Variants in MLLT6 observed in about 807,000 individuals in gnomAD.
MLLT6 encodes the protein MLLT6, PHD finger containing, also known as protein AF-17.
A neutral mutation model predicts 103.0 loss-of-function variants in MLLT6; 22 were observed. The observed-to-expected ratio is 0.21, with a 90% CI of 0.15 to 0.31. MLLT6 has a LOEUF of 0.31. Ranked by LOEUF, MLLT6 falls within the 10% of genes least tolerant of loss-of-function variation. MLLT6 has a pLI of 1.00. For missense variants in MLLT6, 1,199 were observed against 1,441.7 expected (o/e 0.83, Z 2.73); for synonymous variants, 606 against 623.5 (o/e 0.97, Z 0.42).
intron 13 of MLLT6, 47 bp from the exon 14 acceptor site, chr17:38,719,703 G>C (rs760077177): frequency 1.3e-6 from 2 of 1,590,932 alleles, no homozygotes; most frequent in African/African-American, 1.3e-5. Flanking sequence ...GGCCAGAGGA[G>C]CCTGGAGTGG....
Position 38,712,675 on chromosome 17 carries a change from A to G in MLLT6, c.721-16A>G, listed in dbSNP as rs887556664. 7 of 1,577,508 alleles carry G rather than the reference A, an allele frequency of 4.4e-6. No individual in the cohort carries two copies. The African/African-American group carries it at 9.4e-5, about 21-fold the overall frequency. ...CAGCCCCCCAGCACAATATCTAGTC[A>G]CCTCTCCCTCTCCAGAGTCGAAAGG... On this transcript the variant is annotated splice_polypyrimidine_tract_variant and intron_variant, in intron 7 of 19. Coordinates refer to ENST00000621332, the MANE Select transcript of MLLT6 (RefSeq NM_005937.4).
chr17:38,716,643 C>CGA lies in MLLT6; in HGVS notation c.1314_1315insAG (p.Ala439ArgfsTer11), dbSNP rs1162674868. The CGA allele has an allele frequency of 6.2e-7, 1 of 1,613,594 alleles. No homozygotes were observed. The highest frequency in any genetic ancestry group is 8.5e-7 in the Non-Finnish European group (1 of 1,179,948). ...CCCCACGTCACGGGGTCTGGGGCCT[C>CGA]GGCAGGCACCCACAAACGGATGCCC... is the stretch of plus-strand genomic sequence containing the variant. On this transcript the variant is annotated frameshift_variant, in exon 10 of 20. Coordinates refer to ENST00000621332, the MANE Select transcript of MLLT6 (RefSeq NM_005937.4). LOFTEE classifies it high-confidence loss of function. This position sits in a 1 kb window ranked among gnomAD's most constrained non-coding sequence, Gnocchi z 5.6.
At position 38,720,380 on chromosome 17, in the gene MLLT6, A is replaced by C. The variant is rs754377106; in HGVS notation, c.2164A>C (p.Met722Leu). 2 of 1,362,256 alleles carry C rather than the reference A, an allele frequency of 1.5e-6. No individual in the cohort carries two copies. The highest frequency in any genetic ancestry group is 4.6e-5 in the East Asian group (1 of 21,894). 84.4% of individuals were successfully genotyped at this position (1,362,256 alleles called of 1,614,324 possible). A position where few individuals can be genotyped will look rare whatever the true frequency, so the allele number is the denominator to read the frequency against. The change falls in exon 15 of 20, where the codon ATG (methionine) becomes CTG (leucine). Residue 722 changes from methionine (M) to leucine (L), a missense_variant. Met to Leu is a conservative substitution (Grantham distance 15). Around this residue, in one of 7 missense-constraint regions of MLLT6, gnomAD observed 1,034 missense variants for 1,091.5 expected, o/e 0.95. Transcript: ENST00000621332. ...CCTCGCTCTCTCCGCAGTCGTGGAG[A>C]TGCTGAAGGCGCTGCACGCGCTGCA... ...DGEAGVNIVE[M>L]LKALHALQKE...
At chr17:38,721,083 A>G (rs544570519) in intron 16 of MLLT6, 7 of 420,242 alleles carry the variant, frequency 1.7e-5, no homozygotes, top group African/African-American at 1.4e-4. Context: ...GCTTCTGTGG[A>G]TAGAAAGTGG....
rs1010994292 is a variant in MLLT6 at position 38,727,390 on chromosome 17, C to T, written c.*1792C>T. On this transcript the variant is annotated 3_prime_UTR_variant, in exon 20 of 20. Coordinates refer to ENST00000621332, the MANE Select transcript of MLLT6 (RefSeq NM_005937.4). ...GAGGGGGAGGCAGTTGTGATGACCT[C>T]AGAAATACTCACTTTTTATTAATGC... 2.2e-5 allele frequency: 5 copies of T among 231,366 alleles called. No individual in the cohort carries two copies. The highest frequency in any genetic ancestry group is 1.1e-4 in the African/African-American group (5 of 45,144). The allele number at this position is 231,366 out of a possible 1,614,324, so 14.3% of individuals were successfully genotyped here.
Position 38,716,507 on chromosome 17 carries a change from C to T in MLLT6, c.1177C>T (p.Leu393Phe). 1 of 1,614,202 alleles carries T rather than the reference C, an allele frequency of 6.2e-7. No individual in the cohort carries two copies. Among genetic ancestry groups the T allele is most frequent in the African/African-American group, 1.3e-5 (1 of 75,050 alleles). Residue 393 changes from leucine (L) to phenylalanine (F), a missense_variant, in exon 10 of 20, where the codon CTT (leucine) becomes TTT (phenylalanine). Leu to Phe is a conservative substitution (Grantham distance 22). Coordinates refer to ENST00000621332, the MANE Select transcript of MLLT6 (RefSeq NM_005937.4). This position sits in a 1 kb window ranked among gnomAD's most constrained non-coding sequence, Gnocchi z 5.6. Reference sequence around the variant, plus strand: ...AGCTCCCGAGCCCCCCAAGGCTGACCTTTTTGAGCAGAAGGTGGTCTTCTC... The same window carrying T: ...AGCTCCCGAGCCCCCCAAGGCTGACTTTTTTGAGCAGAAGGTGGTCTTCTC... The part of the protein sequence containing the change: ...PSAPEPPKAD[L>F]FEQKVVFSGF...
Position 38,725,869 on chromosome 17 carries a change from C to G in MLLT6, c.*271C>G, listed in dbSNP as rs2143717334. 4.3e-6 allele frequency: 2 copies of G among 465,796 alleles called. No homozygotes were observed. The highest frequency in any genetic ancestry group is 5.3e-4 in the Middle Eastern group (1 of 1,888). 28.9% of individuals were successfully genotyped at this position (465,796 alleles called of 1,614,324 possible). A position where few individuals can be genotyped will look rare whatever the true frequency, so the allele number is the denominator to read the frequency against. ...GCAAGCCCGCCTAGGAGGTCCATCC[C>G]CAGCAAATGTTTTGGAGGTCCCCCC... On this transcript the variant is annotated 3_prime_UTR_variant, in exon 20 of 20. Coordinates refer to ENST00000621332, the MANE Select transcript of MLLT6 (RefSeq NM_005937.4).
Position 38,719,855 on chromosome 17 carries a change from G to A in MLLT6, c.2115G>A (p.Gln705=). 1 of 1,609,252 alleles carries A rather than the reference G, an allele frequency of 6.2e-7. No individual in the cohort carries two copies. Among genetic ancestry groups the A allele is most frequent in the Non-Finnish European group, 8.5e-7 (1 of 1,178,238 alleles). Residue 705 remains glutamine (Q), a synonymous_variant, in exon 14 of 20, where the codon CAG becomes CAA. Coordinates refer to ENST00000621332, the MANE Select transcript of MLLT6 (RefSeq NM_005937.4). ...CCCCAGGGACGACTAACATGGAGCA[G>A]CTTCTGGAGAAGCAGGGCGACGGGG... The part of the protein sequence containing the change: ...PAAPGTTNME[Q]LLEKQGDGEA...
chr17:38,713,363 C>G, intron 8 of MLLT6: 1 of 358,146 alleles, frequency 2.8e-6, no homozygotes, highest in East Asian at 4.1e-5. Context: ...ATAGGCAGGC[C>G]CTACCCTAGG....
chr17:38,722,824 A>G (rs1905837381), intron 18 of MLLT6, 56 bp downstream of exon 18: 8 of 1,287,184 alleles, frequency 6.2e-6, no homozygotes, highest in African/African-American at 1.5e-5. Flanking sequence ...GGAAGGGCAC[A>G]TCTCAGAGGA....
chr17:38,720,807 A>C, intron 16 of MLLT6, 60 bp downstream of exon 16: 2 of 1,456,250 alleles, frequency 1.4e-6, no homozygotes, highest in Non-Finnish European at 9.6e-7. Flanking sequence ...TCCTGGTCCC[A>C]TCTCTTCCCC....
At position 38,721,948 on chromosome 17, in the gene MLLT6, C is replaced by T. The variant is rs1242333838; in HGVS notation, c.2513C>T (p.Pro838Leu). 6.5e-7 allele frequency: 1 copy of T among 1,530,482 alleles called. No homozygotes were observed. Among genetic ancestry groups the T allele is most frequent in the South Asian group, 1.2e-5 (1 of 84,032 alleles). 94.8% of individuals were successfully genotyped at this position (1,530,482 alleles called of 1,614,324 possible). Residue 838 changes from proline (P) to leucine (L), a missense_variant, in exon 17 of 20, where the codon CCC becomes CTC. Pro to Leu is a moderately conservative substitution (Grantham distance 98). Around this residue, in one of 7 missense-constraint regions of MLLT6, gnomAD observed 1,034 missense variants for 1,091.5 expected, o/e 0.95. Transcript: ENST00000621332. ...TTCCACAGCACGCCCCCACCGCTGCCCCTCCTCCAGCAGAGCCCTGCCACT... is the reference window on the plus strand; with the variant it reads ...TTCCACAGCACGCCCCCACCGCTGCTCCTCCTCCAGCAGAGCCCTGCCACT... ...LSFHSTPPPL[P>L]LLQQSPATLP...
rs746466014 is a variant in MLLT6, at chr17:38,722,638, C to T, written c.2793-40C>T. 19 of 532,566 alleles carry T rather than the reference C, an allele frequency of 3.6e-5. No individual in the cohort carries two copies. In the East Asian group the frequency reaches 7.7e-4, roughly 22 times the overall value. The allele number at this position is 532,566 out of a possible 1,614,324, so 33.0% of individuals were successfully genotyped here. On this transcript the variant is annotated intron_variant, in intron 17 of 19. Coordinates refer to ENST00000621332, the MANE Select transcript of MLLT6 (RefSeq NM_005937.4). The stretch of plus-strand genomic sequence containing the variant: ...TGTTTCCCTGGCCCTCCCCCATGGT[C>T]TGTGTGTTGTCCCCCCCCCACCCCC...
rs777859942 is a variant in MLLT6, at chr17:38,713,111, G to C, written c.819+322G>C. On this transcript the variant is annotated intron_variant, in intron 8 of 19. Transcript: ENST00000621332. ...ACTCAGGCCTGCTCTCCAAGTTCTA[G>C]GGCCCCTGTCCCCAGAGATCGGTAG... The C allele has an allele frequency of 3.7e-5, 27 of 730,980 alleles. 1 individual carries two copies. The Admixed American group carries it at 4.8e-4, about 13-fold the overall frequency. The allele number at this position is 730,980 out of a possible 1,614,324, so 45.3% of individuals were successfully genotyped here. A position where few individuals can be genotyped will look rare whatever the true frequency, so the allele number is the denominator to read the frequency against.
chr17:38,710,061 A>G (rs1905092448), intron 6 of MLLT6, among the ~76,000 whole-genome samples: 1 of 152,156 alleles, frequency 6.6e-6, no homozygotes, highest in Non-Finnish European at 1.5e-5. Context: ...CAGCTGGTAG[A>G]TGGGATTTAG....
In MLLT6 at chr17:38,716,851, C is replaced by T. The variant is rs753942551; in HGVS notation, c.1521C>T (p.Thr507=). 1.4e-5 allele frequency: 23 copies of T among 1,613,168 alleles called. No individual in the cohort carries two copies. Among genetic ancestry groups the T allele is most frequent in the Admixed American group, 3.3e-5 (2 of 59,942 alleles). ...CCAGTGCCCAGCTGGCTGGCTTTAC[C>T]GCCACTGCTGCCTCACCCTTCTCTG... The part of the protein sequence containing the change: ...SLPSAQLAGF[T]ATAASPFSGG... Residue 507 remains threonine, a synonymous_variant, in exon 10 of 20, where the codon ACC becomes ACT. Coordinates refer to ENST00000621332, the MANE Select transcript of MLLT6 (RefSeq NM_005937.4). This position sits in a 1 kb window ranked among gnomAD's most constrained non-coding sequence, Gnocchi z 5.6.
rs1425486554 is a variant in MLLT6, at chr17:38,715,604, T to C, written c.820-8T>C. 6.2e-7 allele frequency: 1 copy of C among 1,607,476 alleles called. No individual in the cohort carries two copies. Among genetic ancestry groups the C allele is most frequent in the Non-Finnish European group, 8.5e-7 (1 of 1,177,094 alleles). On this transcript the variant is annotated splice_region_variant and splice_polypyrimidine_tract_variant and intron_variant, in intron 8 of 19. Coordinates refer to ENST00000621332, the MANE Select transcript of MLLT6 (RefSeq NM_005937.4). ...TGGTGTTGAACCTTCCTCTCTCCTCTCCTTCAGGTCTCCTCCTCGGCTTCC... is the reference window on the plus strand; with the variant it reads ...TGGTGTTGAACCTTCCTCTCTCCTCCCCTTCAGGTCTCCTCCTCGGCTTCC...
chr17:38,709,376 C>G lies in MLLT6; in HGVS notation c.458+100C>G. The G allele has an allele frequency of 4.3e-6, 6 of 1,409,820 alleles. No individual in the cohort carries two copies. The highest frequency in any genetic ancestry group is 6.0e-6 in the Non-Finnish European group (6 of 993,814). The allele number at this position is 1,409,820 out of a possible 1,614,324, so 87.3% of individuals were successfully genotyped here. Reference sequence around the variant, plus strand: ...TGTCCCTTTGATGGTGGTGGCAATGCTTTGGATGGTCTTGGCTTCGCCTCA... The same window carrying G: ...TGTCCCTTTGATGGTGGTGGCAATGGTTTGGATGGTCTTGGCTTCGCCTCA... On this transcript the variant is annotated intron_variant, in intron 5 of 19. Transcript: ENST00000621332. This position sits in a 1 kb window ranked among gnomAD's most constrained non-coding sequence, Gnocchi z 4.3.
At chr17:38,720,931 C>T (rs1408099754) in intron 16 of MLLT6, 184 bp downstream of exon 16, 12 of 626,474 alleles carry the variant, frequency 1.9e-5, no homozygotes, top group Non-Finnish European at 3.4e-5. Context: ...CAGCCATTGG[C>T]TAAGCAATCA....
Sources: gnomAD v4.1 joint callset for allele counts (sites outside exome capture counted in the v4.1 genomes callset) on GRCh38, gnomAD v4.1.1 for gene constraint, gnomAD v4.1.1 regional missense constraint, Gnocchi (gnomAD v3.1) non-coding constraint, MANE v1.5 for transcripts, NCBI Gene and HGNC (gene_info 2026-07-23, HGNC 2026-07-21) for gene names.